The following NXPE3 variants were observed in gnomAD, a reference collection of about 807,000 sequenced individuals.
NXPE3 encodes the protein neurexophilin and PC-esterase domain family member 3, also known as NXPE family member 3.
A neutral mutation model predicts 46.1 loss-of-function variants in NXPE3; 26 were observed. That is an observed-to-expected ratio of 0.56 (90% CI 0.41 to 0.78). The LOEUF (loss-of-function observed/expected upper bound fraction) is 0.78, where lower values mean the gene tolerates loss of function less well. NXPE3 is among the 30% of genes least tolerant of loss of function. NXPE3 has a pLI of 0.00. For missense variants in NXPE3, 620 were observed against 686.0 expected (o/e 0.90, Z 1.07); for synonymous variants, 272 against 257.9 (o/e 1.05, Z -0.52).
intron 6 of NXPE3, among the ~76,000 whole-genome samples, chr3:101,816,453 GATGTTCCTCTCCCTGTGTCC>G (rs1334973883): frequency 1.3e-5 from 2 of 151,824 alleles, no homozygotes; most frequent in Non-Finnish European, 2.9e-5. Flanking sequence ...CACGGTGTGT[GATGTTCCTCTCCCTGTGTCC>G]ATGTGTTCTC....
At chr3:101,779,624 G>A (rs1939697434) in intron 1 of NXPE3, 2 of 152,970 alleles carry the variant, frequency 1.3e-5, no homozygotes, top group African/African-American at 2.4e-5. Context: ...GCGGGGCGGG[G>A]CGGGGCCGGG....
At chr3:101,805,825 T>C (rs1159437225) in intron 5 of NXPE3, among the ~76,000 whole-genome samples, 1 of 151,992 alleles carries the variant, frequency 6.6e-6, no homozygotes, top group Non-Finnish European at 1.5e-5. Flanking sequence ...TAGAAGAAGT[T>C]TTCCTGCAAA....
intron 5 of NXPE3, among the ~76,000 whole-genome samples, chr3:101,806,532 T>C (rs1421610185): frequency 1.3e-5 from 2 of 152,162 alleles, no homozygotes; most frequent in African/African-American, 4.8e-5. Context: ...CCTTGAGTAG[T>C]ACATGTTTTA....
chr3:101,816,917 G>A lies in NXPE3; in HGVS notation c.1045G>A (p.Glu349Lys). The change falls in exon 7 of 8, where the codon GAG becomes AAG. Residue 349 changes from glutamate (E) to lysine (K), a missense_variant. Around this residue, in one of 3 missense-constraint regions of NXPE3, gnomAD observed 511 missense variants for 528.6 expected, o/e 0.97. Transcript: ENST00000273347. The part of the protein sequence containing the change: ...RQFNDPDNIT[E>K]CLQRKVVHLF... Reference sequence around the variant, plus strand: ...GTTTAATGACCCTGACAACATTACAGAGTGCTTACAAAGAAAAGTGGTGCA... The same window carrying A: ...GTTTAATGACCCTGACAACATTACAAAGTGCTTACAAAGAAAAGTGGTGCA... 1 of 1,614,146 alleles carries A rather than the reference G, an allele frequency of 6.2e-7. No individual in the cohort carries two copies.
rs1939894815 is a variant in NXPE3, at chr3:101,782,691, T to C, written c.-285T>C. The C allele has an allele frequency of 6.6e-6, 1 of 151,834 alleles. No homozygotes were observed. The highest frequency in any genetic ancestry group is 2.4e-5 in the African/African-American group (1 of 41,310). The allele number at this position is 151,834 out of a possible 1,614,324, so 9.4% of individuals were successfully genotyped here. A position where few individuals can be genotyped will look rare whatever the true frequency, so the allele number is the denominator to read the frequency against. Reference sequence around the variant, plus strand: ...GCTCTGTTGCCCAGGCTGGAGTACATTGGTGTGATGATCATGGTTCACTGC... The same window carrying C: ...GCTCTGTTGCCCAGGCTGGAGTACACTGGTGTGATGATCATGGTTCACTGC... On this transcript the variant is annotated 5_prime_UTR_variant, in exon 3 of 8. Coordinates refer to ENST00000273347, the MANE Select transcript of NXPE3 (RefSeq NM_145037.4).
rs2107374096 is a variant in NXPE3 at position 101,824,470 on chromosome 3, G to A, written c.*2516G>A. On this transcript the variant is annotated 3_prime_UTR_variant, in exon 8 of 8. Transcript: ENST00000273347. ...TTTATTTATTTGTTTTTGAGACAGG[G>A]TCTTGCTCTTTTGCCCAGGCTGGAG... 1 of 152,530 alleles carries A rather than the reference G, an allele frequency of 6.6e-6. No individual in the cohort carries two copies. Among genetic ancestry groups the A allele is most frequent in the East Asian group, 1.9e-4 (1 of 5,192 alleles). 9.4% of individuals were successfully genotyped at this position (152,530 alleles called of 1,614,324 possible). A position where few individuals can be genotyped will look rare whatever the true frequency, so the allele number is the denominator to read the frequency against.
chr3:101,811,392 G>C lies in NXPE3; in HGVS notation c.922+4266G>C, dbSNP rs76204805. ...GGATGTTTCCAGGACCCTAGCATGC[G>C]CTTTACTATTCACACTATTACAGTA... On this transcript the variant is annotated intron_variant, in intron 6 of 7. Transcript: ENST00000273347. 6.5e-3 allele frequency among the ~76,000 whole-genome samples: 991 copies of C among 152,242 alleles called. 7 individuals are homozygous for C. The highest frequency in any genetic ancestry group is 0.022 in the African/African-American group (904 of 41,534).
intron 1 of NXPE3, among the ~76,000 whole-genome samples, chr3:101,780,934 C>G (rs1939784074): frequency 6.6e-6 from 1 of 152,138 alleles, no homozygotes; most frequent in South Asian, 2.1e-4. Context: ...CCTGCTTCAT[C>G]TTTTTTCAAG....
intron 4 of NXPE3, among the ~76,000 whole-genome samples, chr3:101,796,360 C>T (rs1275890234): frequency 1.3e-5 from 2 of 152,106 alleles, no homozygotes; most frequent in East Asian, 3.8e-4. Context: ...GTGAAGTTGC[C>T]CTTGTCTTTA....
intron 2 of NXPE3, 135 bp downstream of exon 2, chr3:101,782,425 C>T (rs552711256): frequency 6.6e-5 from 10 of 152,018 alleles, no homozygotes; most frequent in Admixed American, 3.3e-4. Context: ...TGTTATAATG[C>T]GTAGGTTTTA....
Position 101,785,489 on chromosome 3 carries a change from C to A in NXPE3, c.-108C>A. The A allele has an allele frequency of 1.1e-6, 1 of 931,700 alleles. No homozygotes were observed. Among genetic ancestry groups the A allele is most frequent in the Non-Finnish European group, 1.8e-6 (1 of 568,528 alleles). The allele number at this position is 931,700 out of a possible 1,614,324, so 57.7% of individuals were successfully genotyped here. On this transcript the variant is annotated 5_prime_UTR_variant, in exon 4 of 8. Coordinates refer to ENST00000273347, the MANE Select transcript of NXPE3 (RefSeq NM_145037.4). Reference sequence around the variant, plus strand: ...CTTAAGGGTACTAGCAGGATAGAAGCAAATGAAACTGAAAGCTCATCTGCA... The same window carrying A: ...CTTAAGGGTACTAGCAGGATAGAAGAAAATGAAACTGAAAGCTCATCTGCA...
Position 101,828,016 on chromosome 3 carries a change from G to A in NXPE3, c.*6062G>A, listed in dbSNP as rs1942576553. ...TCCTCTTGCCACGAGGTCAGACGGC[G>A]AGTTCTTAGAGAAAAAGGCTGCTTA... On this transcript the variant is annotated 3_prime_UTR_variant, in exon 8 of 8. Coordinates refer to ENST00000273347, the MANE Select transcript of NXPE3 (RefSeq NM_145037.4). 1 of 152,242 alleles carries A rather than the reference G, an allele frequency of 6.6e-6. No homozygotes were observed. Among genetic ancestry groups the A allele is most frequent in the South Asian group, 2.1e-4 (1 of 4,830 alleles). 9.4% of individuals were successfully genotyped at this position (152,242 alleles called of 1,614,324 possible). A position where few individuals can be genotyped will look rare whatever the true frequency, so the allele number is the denominator to read the frequency against.
chr3:101,785,864 G>C (rs1940145469), intron 4 of NXPE3, among the ~76,000 whole-genome samples, 175 bp downstream of exon 4: 1 of 152,126 alleles, frequency 6.6e-6, no homozygotes, highest in Admixed American at 6.5e-5. Flanking sequence ...TAGTCACCGA[G>C]GGTACAGTGA....
intron 4 of NXPE3, among the ~76,000 whole-genome samples, chr3:101,787,977 C>T (rs956372052): frequency 1.3e-5 from 2 of 152,152 alleles, no homozygotes; most frequent in South Asian, 4.1e-4. Flanking sequence ...TATTATTTTC[C>T]ATAATAGCTG....
chr3:101,821,685 C>G lies in NXPE3; in HGVS notation c.1411C>G (p.Leu471Val). 4 of 1,614,188 alleles carry G rather than the reference C, an allele frequency of 2.5e-6. No homozygotes were observed. Among genetic ancestry groups the G allele is most frequent in the Non-Finnish European group, 2.5e-6 (3 of 1,180,036 alleles). The change falls in exon 8 of 8, where the codon CTC becomes GTC. Residue 471 changes from leucine (L) to valine (V), a missense_variant. Leu to Val is a conservative substitution (Grantham distance 32). Coordinates refer to ENST00000273347, the MANE Select transcript of NXPE3 (RefSeq NM_145037.4). ...CATCCGTCGAGCAGTGGTTCGGCTC[C>G]TCGATCGAAGCCCAAAGACCGTGGT... is the stretch of plus-strand genomic sequence containing the variant. Reference protein sequence around the residue: ...RNIRRAVVRLLDRSPKTVVVI... With the variant: ...RNIRRAVVRLVDRSPKTVVVI...
At chr3:101,818,727 A>G (rs1481331624) in intron 7 of NXPE3, among the ~76,000 whole-genome samples, 2 of 8,900 alleles carry the variant, frequency 2.2e-4, no homozygotes, top group Non-Finnish European at 5.8e-4. Flanking sequence ...ATATATATAT[A>G]TATATATATA....
rs1242121590 is a variant in NXPE3, at chr3:101,823,096, AT to A, written c.*1145del. On this transcript the variant is annotated 3_prime_UTR_variant, in exon 8 of 8. Transcript: ENST00000273347. ...GACTTATTAATTTTAAACGAGTTTA[AT>A]TTGGGATCATTTAGTAAGTACTCTT... 3.3e-5 allele frequency: 5 copies of A among 152,246 alleles called. No individual in the cohort carries two copies. In the East Asian group the frequency reaches 9.6e-4, roughly 29 times the overall value. The allele number at this position is 152,246 out of a possible 1,614,324, so 9.4% of individuals were successfully genotyped here. A position where few individuals can be genotyped will look rare whatever the true frequency, so the allele number is the denominator to read the frequency against.
intron 4 of NXPE3, among the ~76,000 whole-genome samples, chr3:101,794,746 A>T (rs943944247): frequency 6.6e-6 from 1 of 152,222 alleles, no homozygotes; most frequent in African/African-American, 2.4e-5. Context: ...TTGAGAGGGT[A>T]GGCTGCAGTC....
chr3:101,786,473 T>C (rs1940181269), intron 4 of NXPE3, among the ~76,000 whole-genome samples: 1 of 152,198 alleles, frequency 6.6e-6, no homozygotes, highest in Non-Finnish European at 1.5e-5. Context: ...ACACCTAATC[T>C]CTCTGTGAAA....
Sources: gnomAD v4.1 joint callset for allele counts (sites outside exome capture counted in the v4.1 genomes callset) on GRCh38, gnomAD v4.1.1 for gene constraint, gnomAD v4.1.1 regional missense constraint, MANE v1.5 for transcripts, NCBI Gene and HGNC (gene_info 2026-07-23, HGNC 2026-07-21) for gene names.